SEMA3G: variants seen among roughly 807,000 people sequenced by gnomAD.
SEMA3G encodes the protein semaphorin 3G, also known as semaphorin-3G.
Under a neutral mutation model 86.2 loss-of-function variants are expected in SEMA3G, and 70 were observed. The ratio of observed to expected loss-of-function variants is 0.81; its 90% confidence interval spans 0.67 to 0.99. The LOEUF is 0.99. Among genes scored for constraint, SEMA3G ranks in the 50% least tolerant of loss-of-function variants. The probability of loss-of-function intolerance (pLI) is 0.00; values close to 1 mark genes in which losing one functional copy is unlikely to be tolerated. For missense variants in SEMA3G, 1,002 were observed against 1,072.4 expected (o/e 0.93, Z 0.92); for synonymous variants, 416 against 441.4 (o/e 0.94, Z 0.72).
Position 52,435,788 on chromosome 3 carries a change from C to A in SEMA3G, c.2164G>T (p.Val722Leu). Residue 722 changes from valine (V) to leucine (L), a missense_variant, in exon 16 of 16, where the codon GTG becomes TTG. Coordinates refer to ENST00000231721, the MANE Select transcript of SEMA3G (RefSeq NM_020163.3). ...QLIGFANLPRVDEYCERVWCR... is the reference protein window; with the variant it reads ...QLIGFANLPRLDEYCERVWCR... ...CACACGCGCTCACAGTACTCATCCA[C>A]CCGGGGCAGGTTGGCGAAGCCAATG... 3.1e-6 allele frequency: 5 copies of A among 1,614,150 alleles called. No individual in the cohort carries two copies. The highest frequency in any genetic ancestry group is 4.2e-6 in the Non-Finnish European group (5 of 1,180,022).
rs573563446 is a variant in SEMA3G, at chr3:52,437,725, A to T, written c.1739-59T>A. The T allele has an allele frequency of 3.7e-5, 58 of 1,547,706 alleles. No homozygotes were observed. In the East Asian group the frequency reaches 9.4e-4, roughly 25 times the overall value. On this transcript the variant is annotated intron_variant, in intron 14 of 15. Transcript: ENST00000231721. ...ACTATGGGACCCAGATCCCAGTGCCACCACCTGACACCACAGCTCAGGAGC... is the reference window on the plus strand; with the variant it reads ...ACTATGGGACCCAGATCCCAGTGCCTCCACCTGACACCACAGCTCAGGAGC...
chr3:52,433,416 A>G lies in SEMA3G; in HGVS notation c.*2187T>C, dbSNP rs1705989467. The G allele has an allele frequency of 6.6e-6, 1 of 152,654 alleles. No individual in the cohort carries two copies. The highest frequency in any genetic ancestry group is 1.5e-5 in the Non-Finnish European group (1 of 68,042). The allele number at this position is 152,654 out of a possible 1,614,324, so 9.5% of individuals were successfully genotyped here. A position where few individuals can be genotyped will look rare whatever the true frequency, so the allele number is the denominator to read the frequency against. Reference sequence around the variant, plus strand: ...CCAGAGCTCAGGGGCAGTCATGACAATAAAAATAACAATAGTAATTACAAG... The same window carrying G: ...CCAGAGCTCAGGGGCAGTCATGACAGTAAAAATAACAATAGTAATTACAAG... On this transcript the variant is annotated 3_prime_UTR_variant, in exon 16 of 16. Coordinates refer to ENST00000231721, the MANE Select transcript of SEMA3G (RefSeq NM_020163.3).
intron 1 of SEMA3G, among the ~76,000 whole-genome samples, chr3:52,444,452 C>T (rs911720735): frequency 8.6e-5 from 13 of 151,658 alleles, no homozygotes; most frequent in South Asian, 6.3e-4. Context: ...ACAGGGCACA[C>T]GCACACAAAC....
intron 8 of SEMA3G, 31 bp downstream of exon 8, chr3:52,440,903 G>T (rs374474604): frequency 1.2e-6 from 2 of 1,600,064 alleles, no homozygotes; most frequent in African/African-American, 1.3e-5. Flanking sequence ...CCCCACTCCC[G>T]AGCCCTAGGC....
chr3:52,436,528 CCACGCACACATGCACGTG>C (rs995020890), intron 15 of SEMA3G, among the ~76,000 whole-genome samples: 2 of 152,358 alleles, frequency 1.3e-5, no homozygotes, highest in Non-Finnish European at 2.9e-5. Flanking sequence ...GTGCGTGTGC[CCACGCACACATGCACGTG>C]CACGCACACA....
At chr3:52,444,586 G>A (rs1028604743) in intron 1 of SEMA3G, among the ~76,000 whole-genome samples, 24 of 139,050 alleles carry the variant, frequency 1.7e-4, no homozygotes, top group African/African-American at 6.4e-4. Flanking sequence ...CACTGCACAC[G>A]CACCCAAACA....
rs936884639 is a variant in SEMA3G, at chr3:52,436,137, C to T, written c.1879-64G>A. The T allele has an allele frequency of 4.6e-6, 7 of 1,506,166 alleles. No homozygotes were observed. The Admixed American group carries it at 1.5e-4, about 32-fold the overall frequency. 93.3% of individuals were successfully genotyped at this position (1,506,166 alleles called of 1,614,324 possible). A position where few individuals can be genotyped will look rare whatever the true frequency, so the allele number is the denominator to read the frequency against. On this transcript the variant is annotated intron_variant, in intron 15 of 15. Transcript: ENST00000231721. ...TGGGAGTTTACCATCGGCTTCTCTG[C>T]CCCAGCTTTTCTGCCATCCTTGGGG...
In SEMA3G at chr3:52,442,494, C is replaced by T. The variant is rs181152706; in HGVS notation, c.339+65G>A. Reference sequence around the variant, plus strand: ...GGTAGAGGTACCTGGGGCGTGGTCACGGATTGTCCTGGGGGTCAGGGCAGG... The same window carrying T: ...GGTAGAGGTACCTGGGGCGTGGTCATGGATTGTCCTGGGGGTCAGGGCAGG... On this transcript the variant is annotated intron_variant, in intron 3 of 15. Coordinates refer to ENST00000231721, the MANE Select transcript of SEMA3G (RefSeq NM_020163.3). The surrounding 1 kb of genome is among the most constrained non-coding windows in gnomAD (Gnocchi z 6.1). 1.0e-5 allele frequency: 16 copies of T among 1,583,508 alleles called. No homozygotes were observed. The highest frequency in any genetic ancestry group is 5.0e-5 in the Admixed American group (3 of 59,828).
Position 52,441,196 on chromosome 3 carries a change from G to A in SEMA3G, c.813+68C>T. 2 of 1,566,740 alleles carry A rather than the reference G, an allele frequency of 1.3e-6. 1 individual carries two copies. The highest frequency in any genetic ancestry group is 2.4e-5 in the South Asian group (2 of 83,906). On this transcript the variant is annotated intron_variant, in intron 7 of 15. Transcript: ENST00000231721. ...TCCCTACTGCTGGCCAGGGGTGGGG[G>A]GAGAAAGGTCTGGGAATGGGAGGGT...
At chr3:52,440,721 C>G in intron 9 of SEMA3G, 33 bp downstream of exon 9, 1 of 1,589,580 alleles carries the variant, frequency 6.3e-7, no homozygotes, top group Non-Finnish European at 8.6e-7. Context: ...AGACAGGGGC[C>G]CATCGCAAGG....
rs374411260 is a variant in SEMA3G at position 52,440,709 on chromosome 3, A to T, written c.998+45T>A. The T allele has an allele frequency of 7.0e-6, 11 of 1,569,868 alleles. No homozygotes were observed. In the African/African-American group the frequency reaches 1.2e-4, roughly 17 times the overall value. ...AGTCACAGGTCACCGAATCAGGGAC[A>T]AAGACAGGGGCCCATCGCAAGGCCG... is the stretch of plus-strand genomic sequence containing the variant. On this transcript the variant is annotated intron_variant, in intron 9 of 15. Coordinates refer to ENST00000231721, the MANE Select transcript of SEMA3G (RefSeq NM_020163.3).
Position 52,434,945 on chromosome 3 carries a change from C to T in SEMA3G, c.*658G>A, listed in dbSNP as rs931304495. ...AGCCTGAGCCCTGACCACCCCAGAT[C>T]CCTGGGGGCTCTAGCAGTCTATGCC... On this transcript the variant is annotated 3_prime_UTR_variant, in exon 16 of 16. Coordinates refer to ENST00000231721, the MANE Select transcript of SEMA3G (RefSeq NM_020163.3). The surrounding 1 kb of genome is among the most constrained non-coding windows in gnomAD (Gnocchi z 5.2). 1.3e-5 allele frequency: 2 copies of T among 152,406 alleles called. No homozygotes were observed. Among genetic ancestry groups the T allele is most frequent in the African/African-American group, 2.4e-5 (1 of 41,444 alleles). 9.4% of individuals were successfully genotyped at this position (152,406 alleles called of 1,614,324 possible).
At chr3:52,444,732 ACGCAAAC>A (rs1559613263) in intron 1 of SEMA3G, among the ~76,000 whole-genome samples, 174 bp downstream of exon 1, 4 of 6,696 alleles carry the variant, frequency 6.0e-4, no homozygotes, top group East Asian at 5.5e-3. Flanking sequence ...AACACGGCAC[ACGCAAAC>A]TCGGCACACG....
rs1706028483 is a variant in SEMA3G at position 52,435,531 on chromosome 3, G to A, written c.*72C>T. ...CATCCTGACCCCTCTGCCCTAGCTG[G>A]GTGGGTGGGAGATGCTGGGGGCTGC... On this transcript the variant is annotated 3_prime_UTR_variant, in exon 16 of 16. Coordinates refer to ENST00000231721, the MANE Select transcript of SEMA3G (RefSeq NM_020163.3). 6.9e-7 allele frequency: 1 copy of A among 1,439,760 alleles called. No homozygotes were observed. The allele number at this position is 1,439,760 out of a possible 1,614,324, so 89.2% of individuals were successfully genotyped here.
rs182689922 is a variant in SEMA3G, at chr3:52,436,157, T to C, written c.1879-84A>G. On this transcript the variant is annotated intron_variant, in intron 15 of 15. Coordinates refer to ENST00000231721, the MANE Select transcript of SEMA3G (RefSeq NM_020163.3). ...CTCTGCCCCAGCTTTTCTGCCATCCTTGGGGCCCAGTGCCTGGGCACTTCT... is the reference window on the plus strand; with the variant it reads ...CTCTGCCCCAGCTTTTCTGCCATCCCTGGGGCCCAGTGCCTGGGCACTTCT... 1,168 of 1,481,474 alleles carry C rather than the reference T, an allele frequency of 7.9e-4. 10 individuals carry two copies. The East Asian group carries it at 0.013, about 16-fold the overall frequency. 91.8% of individuals were successfully genotyped at this position (1,481,474 alleles called of 1,614,324 possible).
rs1705999923 is a variant in SEMA3G at position 52,434,072 on chromosome 3, T to C, written c.*1531A>G. 6.6e-6 allele frequency: 1 copy of C among 152,180 alleles called. No individual in the cohort carries two copies. The highest frequency in any genetic ancestry group is 3.2e-3 in the Middle Eastern group (1 of 316). 9.4% of individuals were successfully genotyped at this position (152,180 alleles called of 1,614,324 possible). Reference sequence around the variant, plus strand: ...AAGGCAGTCTGGGTTTGAGTTTCAATAGGGCAGGGAACCCTGGCTTGCTTT... The same window carrying C: ...AAGGCAGTCTGGGTTTGAGTTTCAACAGGGCAGGGAACCCTGGCTTGCTTT... On this transcript the variant is annotated 3_prime_UTR_variant, in exon 16 of 16. Transcript: ENST00000231721. The surrounding 1 kb of genome is among the most constrained non-coding windows in gnomAD (Gnocchi z 5.2).
chr3:52,441,187 G>A (rs1706146794), intron 7 of SEMA3G, 77 bp downstream of exon 7: 5 of 1,556,582 alleles, frequency 3.2e-6, no homozygotes, highest in Non-Finnish European at 4.4e-6. Flanking sequence ...CTGCTGGCCA[G>A]GGGTGGGGGG....
intron 14 of SEMA3G, 106 bp from the exon 15 acceptor site, chr3:52,437,772 T>C (rs1706073225): frequency 7.5e-7 from 1 of 1,339,360 alleles, no homozygotes; most frequent in African/African-American, 1.5e-5. Flanking sequence ...GACAAGAACT[T>C]AGGCATGCGT....
Position 52,442,588 on chromosome 3 carries a change from C to G in SEMA3G, c.310G>C (p.Glu104Gln). ...GGATCTCTTCCCTTTCGAACACACT[C>G]CTCCCTCTGTCCTGGCTGCGGTGGC... is the stretch of plus-strand genomic sequence containing the variant. ...LWPPQPGQRE[E>Q]CVRKGRDPLT... The change falls in exon 3 of 16, where the codon GAG becomes CAG. Residue 104 changes from glutamate to glutamine, a missense_variant. Coordinates refer to ENST00000231721, the MANE Select transcript of SEMA3G (RefSeq NM_020163.3). This position sits in a 1 kb window ranked among gnomAD's most constrained non-coding sequence, Gnocchi z 6.1. The G allele has an allele frequency of 6.2e-7, 1 of 1,614,144 alleles. No homozygotes were observed. Among genetic ancestry groups the G allele is most frequent in the South Asian group, 1.1e-5 (1 of 91,076 alleles).
Sources: gnomAD v4.1 joint callset for allele counts (sites outside exome capture counted in the v4.1 genomes callset) on GRCh38, gnomAD v4.1.1 for gene constraint, Gnocchi (gnomAD v3.1) non-coding constraint, MANE v1.5 for transcripts, NCBI Gene and HGNC (gene_info 2026-07-23, HGNC 2026-07-21) for gene names.